NIPAL2: variants seen among roughly 807,000 people sequenced by gnomAD.
The protein encoded by NIPAL2 is NIPA like domain containing 2.
Under a neutral mutation model 48.9 loss-of-function variants are expected in NIPAL2, and 43 were observed. That is an observed-to-expected ratio of 0.88 (90% CI 0.69 to 1.13). The LOEUF (loss-of-function observed/expected upper bound fraction) is 1.13. Ranked by LOEUF, NIPAL2 falls within the 50% of genes most tolerant of loss-of-function variation. The pLI, the probability that NIPAL2 is intolerant of heterozygous loss-of-function variation, is 0.00. For synonymous variants in NIPAL2, 167 were observed against 174.6 expected (o/e 0.96, Z 0.34); for missense variants, 446 against 461.4 (o/e 0.97, Z 0.31).
At chr8:98,196,071 GT>G in intron 8 of NIPAL2, 66 bp from the exon 9 acceptor site, 1 of 946,252 alleles carries the variant, frequency 1.1e-6, no homozygotes, top group Non-Finnish European at 1.6e-6. Context: ...GCTAAATATT[GT>G]TTGTAAAATT....
At chr8:98,196,567 ATCT>A (rs1329414442) in intron 8 of NIPAL2, among the ~76,000 whole-genome samples, 2 of 152,208 alleles carry the variant, frequency 1.3e-5, no homozygotes, top group East Asian at 1.9e-4. Context: ...GCCCCCTCTC[ATCT>A]TCTTCTGGTC....
intron 5 of NIPAL2, among the ~76,000 whole-genome samples, 154 bp from the exon 6 acceptor site, chr8:98,212,655 G>A (rs145795833): frequency 9.2e-5 from 14 of 152,160 alleles, no homozygotes; most frequent in African/African-American, 3.4e-4. Context: ...TAAGCACCTC[G>A]GCCATCCAGA....
chr8:98,277,047 GGC>G (rs1318659541), intron 1 of NIPAL2, among the ~76,000 whole-genome samples: 2 of 139,114 alleles, frequency 1.4e-5, no homozygotes, highest in Non-Finnish European at 3.2e-5. Context: ...TGGGATTACA[GGC>G]GTGAGCCAGT....
chr8:98,260,409 C>A (rs896913476), intron 1 of NIPAL2, among the ~76,000 whole-genome samples: 2 of 152,220 alleles, frequency 1.3e-5, no homozygotes, highest in Non-Finnish European at 2.9e-5. Flanking sequence ...GGGCGCAGCT[C>A]AGTGGGTGCG....
chr8:98,208,208 T>G (rs1398050432), intron 6 of NIPAL2, among the ~76,000 whole-genome samples: 1 of 152,238 alleles, frequency 6.6e-6, no homozygotes, highest in Non-Finnish European at 1.5e-5. Context: ...CTTTCATCAT[T>G]AGAACAACAC....
In NIPAL2 at chr8:98,194,963, C is replaced by T. The variant is rs1209656828; in HGVS notation, c.945-141G>A. The T allele has an allele frequency of 8.5e-6, 4 of 471,024 alleles. No homozygotes were observed. In the East Asian group the frequency reaches 1.4e-4, roughly 16 times the overall value. The allele number at this position is 471,024 out of a possible 1,614,324, so 29.2% of individuals were successfully genotyped here. ...GTTTCTCATGGTAAGCTTCCTAGTA[C>T]TTGTCTTAATTAGCACAGCCAATAG... On this transcript the variant is annotated intron_variant, in intron 9 of 10. Coordinates refer to ENST00000430223, the MANE Select transcript of NIPAL2 (RefSeq NM_001321635.2).
chr8:98,205,385 G>A (rs1297518470), intron 6 of NIPAL2, 139 bp from the exon 7 acceptor site: 3 of 763,916 alleles, frequency 3.9e-6, no homozygotes, highest in Non-Finnish European at 6.1e-6. Flanking sequence ...TGTAGGAAGG[G>A]ATGTGACATT....
chr8:98,260,714 C>A (rs1346307128), intron 1 of NIPAL2, among the ~76,000 whole-genome samples: 1 of 152,238 alleles, frequency 6.6e-6, no homozygotes, highest in Non-Finnish European at 1.5e-5. Context: ...GGGTGCCCGC[C>A]ATTGCCCAGG....
intron 10 of NIPAL2, 73 bp downstream of exon 10, chr8:98,194,655 C>T (rs1161363553): frequency 2.3e-5 from 17 of 742,736 alleles, no homozygotes; most frequent in South Asian, 1.3e-4. Context: ...ATTAACTTAC[C>T]ACCCAAAATA....
chr8:98,238,543 T>C (rs1346202740), intron 3 of NIPAL2, among the ~76,000 whole-genome samples: 1 of 152,188 alleles, frequency 6.6e-6, no homozygotes. Context: ...CGGCAATTTA[T>C]TGAAAACAAA....
At chr8:98,253,408 A>G (rs894307421) in intron 2 of NIPAL2, among the ~76,000 whole-genome samples, 1 of 152,198 alleles carries the variant, frequency 6.6e-6, no homozygotes, top group Admixed American at 6.5e-5. Flanking sequence ...GATTCTATTT[A>G]AAAGTGATTC....
At chr8:98,272,291 A>G (rs1815183151) in intron 1 of NIPAL2, among the ~76,000 whole-genome samples, 1 of 152,152 alleles carries the variant, frequency 6.6e-6, no homozygotes, top group African/African-American at 2.4e-5. Context: ...GAAGATCATC[A>G]AGAGCGGAGG....
intron 8 of NIPAL2, among the ~76,000 whole-genome samples, chr8:98,201,412 T>C (rs1029377271): frequency 6.6e-6 from 1 of 152,086 alleles, no homozygotes; most frequent in Non-Finnish European, 1.5e-5. Flanking sequence ...AGAGATGGGG[T>C]CCGGCTGTGT....
At chr8:98,249,933 C>T (rs1424465127) in intron 3 of NIPAL2, among the ~76,000 whole-genome samples, 1 of 151,630 alleles carries the variant, frequency 6.6e-6, no homozygotes, top group Admixed American at 6.6e-5. Flanking sequence ...AAAACTAGTC[C>T]ACATGTTTAC....
rs566705531 is a variant in NIPAL2, at chr8:98,199,577, G to A, written c.880+3531C>T. ...ACATACATTTATTGATAAGTTGGCA[G>A]TCTTACACAGGTGCAGTTTGTGGTG... is the stretch of plus-strand genomic sequence containing the variant. On this transcript the variant is annotated intron_variant, in intron 8 of 10. Transcript: ENST00000430223. Among the ~76,000 whole-genome samples the A allele has an allele frequency of 3.4e-4, 52 of 152,270 alleles. 1 individual carries two copies. The highest frequency in any genetic ancestry group is 1.2e-3 in the African/African-American group (49 of 41,546).
intron 1 of NIPAL2, among the ~76,000 whole-genome samples, chr8:98,257,905 A>G (rs1354169359): frequency 2.0e-5 from 3 of 152,182 alleles, no homozygotes; most frequent in Non-Finnish European, 4.4e-5. Flanking sequence ...GACGGAACCA[A>G]TGCACATCTT....
intron 3 of NIPAL2, among the ~76,000 whole-genome samples, chr8:98,242,342 C>A (rs549288864): frequency 6.6e-6 from 1 of 151,892 alleles, no homozygotes; most frequent in South Asian, 2.1e-4. Flanking sequence ...TGTACTAACA[C>A]GCCTGGCTAG....
rs753196466 is a variant in NIPAL2 at position 98,206,161 on chromosome 8, G to A, written c.656-915C>T. Among the ~76,000 whole-genome samples the A allele has an allele frequency of 5.4e-4, 82 of 151,990 alleles. 1 individual carries two copies. The highest frequency in any genetic ancestry group is 9.6e-4 in the Non-Finnish European group (65 of 67,994). On this transcript the variant is annotated intron_variant, in intron 6 of 10. Coordinates refer to ENST00000430223, the MANE Select transcript of NIPAL2 (RefSeq NM_001321635.2). The stretch of plus-strand genomic sequence containing the variant: ...ATAATTTAGCTAAAACTCACTGAAA[G>A]TTCAAAAATAATTTTTACATGAAAT...
At chr8:98,252,434 T>C in intron 3 of NIPAL2, 29 bp downstream of exon 3, 1 of 1,541,576 alleles carries the variant, frequency 6.5e-7, no homozygotes, top group Middle Eastern at 1.8e-4. Context: ...TCTTTAAGTT[T>C]CTATTTGTCA....
Sources: allele counts gnomAD v4.1 joint callset (sites outside exome capture counted in the v4.1 genomes callset), GRCh38; gene constraint gnomAD v4.1.1; transcripts MANE v1.5; gene names NCBI Gene and HGNC (gene_info 2026-07-23, HGNC 2026-07-21).